Variants in SCHIP1 observed in about 807,000 individuals in gnomAD.
SCHIP1 encodes schwannomin interacting protein 1.
SCHIP1 carries 8 observed loss-of-function variants against 29.7 expected under a neutral mutation model. The observed-to-expected ratio is 0.27, with a 90% confidence interval of 0.16 to 0.49. SCHIP1 has a LOEUF of 0.49. Among genes scored for constraint, SCHIP1 ranks in the 20% least tolerant of loss-of-function variants. SCHIP1 has a pLI of 0.99. For synonymous variants in SCHIP1, 76 were observed against 94.9 expected (o/e 0.80, Z 1.16); for missense variants, 193 against 294.6 (o/e 0.66, Z 2.52).
the SCHIP1 span, among the ~76,000 whole-genome samples, chr3:159,812,433 C>T: frequency 1.3e-5 from 2 of 152,100 alleles, no homozygotes; most frequent in Admixed American, 6.5e-5. Flanking sequence ...ACTTAATATA[C>T]ATAAATGATA....
At chr3:159,784,779 G>T in the SCHIP1 span, among the ~76,000 whole-genome samples, 2 of 152,166 alleles carry the variant, frequency 1.3e-5, no homozygotes, top group African/African-American at 4.8e-5. Flanking sequence ...CCAGCCTCCT[G>T]AGTAGCTGAG....
the SCHIP1 span, among the ~76,000 whole-genome samples, chr3:159,490,793 A>AT: frequency 1.3e-5 from 2 of 152,198 alleles, no homozygotes; most frequent in Non-Finnish European, 2.9e-5. Flanking sequence ...TAATCTTTAG[A>AT]TTTTCACTTG....
the SCHIP1 span, among the ~76,000 whole-genome samples, chr3:159,711,446 T>C: frequency 7.0e-6 from 1 of 142,856 alleles, no homozygotes; most frequent in Non-Finnish European, 1.5e-5. Context: ...TAGGTATTAG[T>C]AAGGATTCAA....
At chr3:159,875,363 T>G (rs909878984) in intron 2 of SCHIP1, among the ~76,000 whole-genome samples, 1 of 151,940 alleles carries the variant, frequency 6.6e-6, no homozygotes, top group African/African-American at 2.4e-5. Flanking sequence ...CCCTGTCTTA[T>G]GAATTTTTTT....
chr3:159,780,228 G>C, the SCHIP1 span, among the ~76,000 whole-genome samples: 29 of 152,262 alleles, frequency 1.9e-4, no homozygotes, highest in South Asian at 6.0e-3. Flanking sequence ...GGAGGCCCTC[G>C]CAGTGTTGAC....
chr3:159,871,356 TG>T (rs1715252477), intron 2 of SCHIP1, among the ~76,000 whole-genome samples: 1 of 38,008 alleles, frequency 2.6e-5, no homozygotes, highest in African/African-American at 1.1e-4. Flanking sequence ...CTGATTTGTT[TG>T]TTGGGGGGGG....
At chr3:159,528,483 G>A in the SCHIP1 span, among the ~76,000 whole-genome samples, 1 of 152,142 alleles carries the variant, frequency 6.6e-6, no homozygotes, top group African/African-American at 2.4e-5. Context: ...TGGCAGTGGC[G>A]ACTCTACTTG....
At chr3:159,659,691 T>G in the SCHIP1 span, among the ~76,000 whole-genome samples, 1 of 152,188 alleles carries the variant, frequency 6.6e-6, no homozygotes, top group Non-Finnish European at 1.5e-5. Flanking sequence ...ATAATATCCT[T>G]GTTAATGAAT....
the SCHIP1 span, among the ~76,000 whole-genome samples, chr3:159,324,778 G>T: frequency 6.6e-6 from 1 of 152,160 alleles, no homozygotes; most frequent in East Asian, 1.9e-4. Flanking sequence ...TAGAGGCAGA[G>T]TTTTAATCTG....
chr3:159,621,970 A>G, the SCHIP1 span, among the ~76,000 whole-genome samples: 1 of 152,160 alleles, frequency 6.6e-6, no homozygotes, highest in East Asian at 1.9e-4. Flanking sequence ...TCAGCCCTGC[A>G]TGTATGTTTT....
chr3:159,821,384 T>A, the SCHIP1 span, among the ~76,000 whole-genome samples: 1 of 152,186 alleles, frequency 6.6e-6, no homozygotes, highest in Non-Finnish European at 1.5e-5. Context: ...CTCTTGAGGT[T>A]AGTGGTCATG....
intron 2 of SCHIP1, among the ~76,000 whole-genome samples, chr3:159,879,434 C>T (rs944895264): frequency 1.3e-5 from 2 of 152,194 alleles, no homozygotes; most frequent in African/African-American, 4.8e-5. Context: ...ACAGGGTTCA[C>T]AGTGCCTGCT....
At chr3:159,849,057 G>A (rs780873320) in intron 1 of SCHIP1, among the ~76,000 whole-genome samples, 11 of 150,352 alleles carry the variant, frequency 7.3e-5, no homozygotes, top group Admixed American at 3.3e-4. Flanking sequence ...GAACACTTAC[G>A]ACAAAAAAGG....
chr3:159,321,846 T>C, the SCHIP1 span, among the ~76,000 whole-genome samples: 2 of 152,186 alleles, frequency 1.3e-5, no homozygotes, highest in Non-Finnish European at 2.9e-5. Flanking sequence ...TGTTATAAAA[T>C]AATGAAGATT....
chr3:159,867,914 C>G (rs1447793736), intron 2 of SCHIP1, among the ~76,000 whole-genome samples: 1 of 151,136 alleles, frequency 6.6e-6, no homozygotes, highest in East Asian at 1.9e-4. Context: ...CCCAATCTCT[C>G]TGTTCAGCAA....
the SCHIP1 span, among the ~76,000 whole-genome samples, chr3:159,701,140 A>C: frequency 4.6e-5 from 7 of 152,186 alleles, no homozygotes; most frequent in African/African-American, 1.7e-4. Flanking sequence ...GACTTTCGAG[A>C]ATGATCATCT....
At chr3:159,642,202 G>A in the SCHIP1 span, among the ~76,000 whole-genome samples, 1 of 152,122 alleles carries the variant, frequency 6.6e-6, no homozygotes, top group Admixed American at 6.6e-5. Flanking sequence ...ATACTGTAAA[G>A]TGCTAAATAA....
At chr3:159,746,897 C>G in the SCHIP1 span, among the ~76,000 whole-genome samples, 74 of 152,336 alleles carry the variant, frequency 4.9e-4, no homozygotes, top group African/African-American at 1.7e-3. Context: ...AGACCCAATT[C>G]AAGTATGATT....
At chr3:159,412,300 T>C in the SCHIP1 span, among the ~76,000 whole-genome samples, 1 of 152,230 alleles carries the variant, frequency 6.6e-6, no homozygotes, top group Non-Finnish European at 1.5e-5. Context: ...TTAGACTGCA[T>C]CTTTTGTTAT....
Sources: gnomAD v4.1 joint callset for allele counts (sites outside exome capture counted in the v4.1 genomes callset) on GRCh38, gnomAD v4.1.1 for gene constraint, MANE v1.5 for transcripts, NCBI Gene and HGNC (gene_info 2026-07-23, HGNC 2026-07-21) for gene names.